The following CWC27 variants were observed in gnomAD, a reference collection of about 807,000 sequenced individuals.
CWC27 encodes the protein CWC27 spliceosome associated cyclophilin.
Under a neutral mutation model 63.6 loss-of-function variants are expected in CWC27, and 47 were observed. The observed-to-expected ratio is 0.74, with a 90% confidence interval of 0.58 to 0.94. CWC27 has a LOEUF of 0.94. Among genes scored for constraint, CWC27 ranks in the 40% least tolerant of loss-of-function variants. The probability of loss-of-function intolerance (pLI) is 0.00; values close to 1 mark genes in which losing one functional copy is unlikely to be tolerated. For synonymous variants in CWC27, 175 were observed against 179.8 expected, an observed-to-expected ratio of 0.97 and a Z score of 0.22; for missense variants, 495 against 554.3, an observed-to-expected ratio of 0.89 and a Z score of 1.07.
At chr5:64,802,015 G>A (rs546262167) in intron 9 of CWC27, among the ~76,000 whole-genome samples, 2 of 152,182 alleles carry the variant, frequency 1.3e-5, no homozygotes, top group Admixed American at 6.6e-5. Flanking sequence ...GATAGAGAGA[G>A]GATGAATATC....
intron 4 of CWC27, 58 bp from the exon 5 acceptor site, chr5:64,785,423 C>G (rs1041605469): frequency 2.1e-5 from 17 of 795,838 alleles, no homozygotes; most frequent in African/African-American, 5.3e-5. Flanking sequence ...AAGGTTTTCT[C>G]TTAATTCAAA....
At chr5:64,953,492 T>C (rs1046471585) in intron 11 of CWC27, among the ~76,000 whole-genome samples, 1 of 152,112 alleles carries the variant, frequency 6.6e-6, no homozygotes, top group Non-Finnish European at 1.5e-5. Context: ...AGAAAAAATT[T>C]AATCAGTGAG....
intron 10 of CWC27, among the ~76,000 whole-genome samples, chr5:64,878,605 A>G (rs928373849): frequency 6.6e-6 from 1 of 151,520 alleles, no homozygotes; most frequent in African/African-American, 2.4e-5. Flanking sequence ...AAAACTGAGG[A>G]TCAATGAGGT....
At chr5:64,905,200 C>CAAAAAAAAAAAAAAAAAAAAAAAAA (rs71608574) in intron 11 of CWC27, among the ~76,000 whole-genome samples, 1 of 55,560 alleles carries the variant, frequency 1.8e-5, no homozygotes, top group Non-Finnish European at 3.6e-5. Flanking sequence ...CACTACATCT[C>CAAAAAAAAAAAAAAAAAAAAAAAAA]AAAAAAAAAA....
chr5:64,909,894 G>C (rs1432305646), intron 11 of CWC27, among the ~76,000 whole-genome samples: 1 of 152,134 alleles, frequency 6.6e-6, no homozygotes, highest in Admixed American at 6.5e-5. Flanking sequence ...GCTCAGAGAA[G>C]TTTGTTATTA....
intron 11 of CWC27, among the ~76,000 whole-genome samples, chr5:64,917,454 G>A (rs536945498): frequency 6.6e-6 from 1 of 152,170 alleles, no homozygotes; most frequent in African/African-American, 2.4e-5. Flanking sequence ...TTTGTCTGAT[G>A]TGTTGGTTAA....
At chr5:64,963,611 G>A (rs1168747505) in intron 11 of CWC27, among the ~76,000 whole-genome samples, 1 of 152,134 alleles carries the variant, frequency 6.6e-6, no homozygotes, top group African/African-American at 2.4e-5. Flanking sequence ...CAAATAGTTG[G>A]GTTTTTGTGG....
chr5:64,994,065 TATC>T (rs1749586843), intron 13 of CWC27, among the ~76,000 whole-genome samples: 2 of 152,182 alleles, frequency 1.3e-5, no homozygotes, highest in African/African-American at 4.8e-5. Flanking sequence ...TAATAATAAT[TATC>T]ATAGTGAATT....
chr5:64,887,250 T>G (rs1747096951), intron 11 of CWC27, among the ~76,000 whole-genome samples: 1 of 152,168 alleles, frequency 6.6e-6, no homozygotes, highest in South Asian at 2.1e-4. Flanking sequence ...GTTTATTTAT[T>G]TGTCTCCCTT....
At chr5:65,004,572 AT>A (rs61508286) in intron 13 of CWC27, among the ~76,000 whole-genome samples, 45,570 of 148,946 alleles carry the variant, frequency 0.31, 7,637 homozygotes, top group East Asian at 0.45. Flanking sequence ...ATCTCGTTGA[AT>A]TTTTCATTCA....
At chr5:64,916,940 T>C (rs1747901602) in intron 11 of CWC27, among the ~76,000 whole-genome samples, 1 of 150,484 alleles carries the variant, frequency 6.6e-6, no homozygotes, top group South Asian at 2.1e-4. Context: ...GCAGTGGTAG[T>C]AGACGACTTG....
At chr5:65,018,045 C>T in intron 13 of CWC27, 114 bp from the exon 14 acceptor site, 1 of 939,666 alleles carries the variant, frequency 1.1e-6, no homozygotes, top group Non-Finnish European at 1.5e-6. Flanking sequence ...AACAACAAAC[C>T]CATCTTGGTG....
rs1744135673 is a variant in CWC27 at position 64,793,101 on chromosome 5, G to A, written c.669+4081G>A. ...CTTATGCCCTTATGCCCAATCTAGA[G>A]GGCTGGTGAGAAATTTCATTATCAG... On this transcript the variant is annotated intron_variant, in intron 7 of 13. Coordinates refer to ENST00000381070, the MANE Select transcript of CWC27 (RefSeq NM_005869.4). Among the ~76,000 whole-genome samples, 4 of 151,996 alleles carry A rather than the reference G, an allele frequency of 2.6e-5. No individual in the cohort carries two copies. The South Asian group carries it at 8.3e-4, about 32-fold the overall frequency.
chr5:64,800,863 T>C (rs1351384985), intron 8 of CWC27, among the ~76,000 whole-genome samples: 1 of 152,152 alleles, frequency 6.6e-6, no homozygotes, highest in Non-Finnish European at 1.5e-5. Context: ...ACTGGGCCAG[T>C]ATCTCAAGGG....
rs142641371 is a variant in CWC27 at position 64,822,437 on chromosome 5, A to G, written c.938+18051A>G. On this transcript the variant is annotated intron_variant, in intron 10 of 13. Coordinates refer to ENST00000381070, the MANE Select transcript of CWC27 (RefSeq NM_005869.4). ...TTTATGGATTAGGAAGTCTGCATGTATGCAAGTAGCATTAATTTTAGGCCT... is the reference window on the plus strand; with the variant it reads ...TTTATGGATTAGGAAGTCTGCATGTGTGCAAGTAGCATTAATTTTAGGCCT... Among the ~76,000 whole-genome samples, 1,198 of 152,338 alleles carry G rather than the reference A, an allele frequency of 7.9e-3. 8 individuals carry two copies. The highest frequency in any genetic ancestry group is 0.028 in the African/African-American group (1,147 of 41,580).
At chr5:64,930,326 T>C (rs1295871547) in intron 11 of CWC27, among the ~76,000 whole-genome samples, 3 of 152,060 alleles carry the variant, frequency 2.0e-5, no homozygotes, top group Non-Finnish European at 4.4e-5. Flanking sequence ...TTTTACAACA[T>C]TGTGATTATA....
chr5:64,844,008 G>A (rs1353186859), intron 10 of CWC27, among the ~76,000 whole-genome samples: 1 of 152,058 alleles, frequency 6.6e-6, no homozygotes, highest in Non-Finnish European at 1.5e-5. Flanking sequence ...TTGGAAACAA[G>A]CCTGAGATAC....
intron 7 of CWC27, among the ~76,000 whole-genome samples, chr5:64,798,932 T>C (rs981761799): frequency 2.6e-5 from 4 of 152,206 alleles, no homozygotes; most frequent in Non-Finnish European, 5.9e-5. Context: ...GGTGAGCATC[T>C]TCCCCCCTCA....
chr5:64,872,499 T>C (rs966121749), intron 10 of CWC27, among the ~76,000 whole-genome samples: 1 of 152,208 alleles, frequency 6.6e-6, no homozygotes, highest in African/African-American at 2.4e-5. Context: ...TTATATAATT[T>C]TGATACATGC....
Sources: allele counts gnomAD v4.1 joint callset (sites outside exome capture counted in the v4.1 genomes callset), GRCh38; gene constraint gnomAD v4.1.1; transcripts MANE v1.5; gene names NCBI Gene and HGNC (gene_info 2026-07-23, HGNC 2026-07-21).